MAPRE2: variants seen among roughly 807,000 people sequenced by gnomAD.
MAPRE2 encodes microtubule-associated protein RP/EB family member 2.
Under a neutral mutation model 43.2 loss-of-function variants are expected in MAPRE2, and 13 were observed. The ratio of observed to expected loss-of-function variants is 0.30; its 90% CI spans 0.20 to 0.48. MAPRE2 has a LOEUF of 0.48. Ranked by LOEUF, MAPRE2 falls within the 20% of genes least tolerant of loss-of-function variation. The pLI is 0.99. For missense variants in MAPRE2, 161 were observed against 400.2 expected (o/e 0.40, Z 5.10); for synonymous variants, 135 against 148.8 (o/e 0.91, Z 0.68).
chr18:35,019,559 ATATTT>A (rs1332353572), intron 2 of MAPRE2, among the ~76,000 whole-genome samples: 5 of 152,040 alleles, frequency 3.3e-5, no homozygotes, highest in African/African-American at 1.2e-4. Context: ...AGGCCTTGTC[ATATTT>A]TATTTTCTTC....
intron 2 of MAPRE2, among the ~76,000 whole-genome samples, chr18:35,014,427 A>G (rs577940105): frequency 6.7e-6 from 1 of 148,700 alleles, no homozygotes; most frequent in African/African-American, 2.5e-5. Context: ...TCGGCAGTCT[A>G]TATAAGGCAT....
chr18:35,081,114 T>G (rs923391145), intron 2 of MAPRE2, among the ~76,000 whole-genome samples: 2 of 152,218 alleles, frequency 1.3e-5, no homozygotes, highest in African/African-American at 4.8e-5. Flanking sequence ...GAGCCAAATT[T>G]TAATGAAAAG....
intron 1 of MAPRE2, among the ~76,000 whole-genome samples, chr18:35,044,703 A>G (rs595086): frequency 0.75 from 113,608 of 152,158 alleles, 43,218 homozygotes; most frequent in African/African-American, 0.91. Flanking sequence ...GCTCTTGGAC[A>G]AGAACATGTC....
rs1409201821 is a variant in MAPRE2 at position 35,056,540 on chromosome 18, A to G, written c.123-13655A>G. On this transcript the variant is annotated intron_variant, in intron 1 of 6. Transcript: ENST00000300249. Reference sequence around the variant, plus strand: ...GAACCTAGAAACTCGGTATGGAGGCAGGATGGGGAGGGACTTTACCAAATT... The same window carrying G: ...GAACCTAGAAACTCGGTATGGAGGCGGGATGGGGAGGGACTTTACCAAATT... Among the ~76,000 whole-genome samples, 3 of 152,196 alleles carry G rather than the reference A, an allele frequency of 2.0e-5. 1 individual carries two copies. Among genetic ancestry groups the G allele is most frequent in the Non-Finnish European group, 1.5e-5 (1 of 68,028 alleles).
At chr18:35,101,537 A>G (rs1485316451) in intron 3 of MAPRE2, among the ~76,000 whole-genome samples, 1 of 151,174 alleles carries the variant, frequency 6.6e-6, no homozygotes, top group African/African-American at 2.4e-5. Context: ...ACCATCCCCA[A>G]CTCCCCCTTT....
At chr18:35,045,518 T>C (rs1340373093) in intron 1 of MAPRE2, among the ~76,000 whole-genome samples, 1 of 152,162 alleles carries the variant, frequency 6.6e-6, no homozygotes, top group African/African-American at 2.4e-5. Context: ...CCTAAAGCAT[T>C]GGCCATAACA....
chr18:35,117,604 T>C (rs751783773), intron 4 of MAPRE2, among the ~76,000 whole-genome samples: 2 of 152,160 alleles, frequency 1.3e-5, no homozygotes, highest in African/African-American at 4.8e-5. Flanking sequence ...GCTGGCTCAG[T>C]GTGCTGGGCT....
chr18:34,994,622 A>C (rs1006668943), intron 1 of MAPRE2, among the ~76,000 whole-genome samples: 8 of 152,128 alleles, frequency 5.3e-5, no homozygotes, highest in African/African-American at 1.9e-4. Context: ...TTAAGCTGTT[A>C]GTTTTCCCTA....
intron 6 of MAPRE2, among the ~76,000 whole-genome samples, chr18:35,136,279 C>G (rs892570914): frequency 5.3e-5 from 8 of 152,132 alleles, no homozygotes; most frequent in African/African-American, 1.9e-4. Flanking sequence ...TGAAGGGCAC[C>G]AGCTTATGAA....
chr18:35,107,951 T>C (rs1569006416), intron 4 of MAPRE2, among the ~76,000 whole-genome samples: 1 of 152,206 alleles, frequency 6.6e-6, no homozygotes, highest in East Asian at 1.9e-4. Context: ...TAGATGTATA[T>C]GTATTTATGT....
chr18:35,101,932 AT>A lies in MAPRE2; in HGVS notation c.397-8del. On this transcript the variant is annotated splice_polypyrimidine_tract_variant and intron_variant, in intron 3 of 6. Transcript: ENST00000300249. The stretch of plus-strand genomic sequence containing the variant: ...CGTGAGGTTTGTAACTCACATAGTG[AT>A]TTTTTATTGCAGGTAATTCCAGTGG... 6.3e-7 allele frequency: 1 copy of A among 1,578,804 alleles called. No individual in the cohort carries two copies.
intron 2 of MAPRE2, among the ~76,000 whole-genome samples, chr18:35,094,255 C>T (rs1003401268): frequency 6.6e-6 from 1 of 152,008 alleles, no homozygotes; most frequent in African/African-American, 2.4e-5. Context: ...AAACAAAATA[C>T]AAATTAATAA....
chr18:35,079,455 AC>A (rs2080742326), intron 2 of MAPRE2, among the ~76,000 whole-genome samples: 1 of 152,232 alleles, frequency 6.6e-6, no homozygotes, highest in African/African-American at 2.4e-5. Flanking sequence ...TCTTAGTCTT[AC>A]GTAAAAGGAC....
intron 1 of MAPRE2, among the ~76,000 whole-genome samples, chr18:34,981,883 A>ATTT (rs796076441): frequency 7.4e-6 from 1 of 134,608 alleles, no homozygotes; most frequent in Non-Finnish European, 1.6e-5. Flanking sequence ...TTTTATTTTT[A>ATTT]TTTATTTTTT....
At chr18:35,099,960 T>C (rs999668167) in intron 3 of MAPRE2, among the ~76,000 whole-genome samples, 12 of 152,246 alleles carry the variant, frequency 7.9e-5, no homozygotes, top group African/African-American at 2.7e-4. Context: ...AGTGGTCCTA[T>C]TGATACATTT....
chr18:35,088,942 C>T (rs959132097), intron 2 of MAPRE2, among the ~76,000 whole-genome samples: 1 of 152,112 alleles, frequency 6.6e-6, no homozygotes, highest in African/African-American at 2.4e-5. Flanking sequence ...ACAATGAAAA[C>T]AGAGACCATT....
intron 1 of MAPRE2, among the ~76,000 whole-genome samples, chr18:35,056,926 G>C (rs1026580613): frequency 2.0e-5 from 3 of 152,176 alleles, no homozygotes; most frequent in African/African-American, 4.8e-5. Context: ...AGAATCTAAA[G>C]AGGAGACTGC....
chr18:35,086,498 A>ACAC (rs897320396), intron 2 of MAPRE2, among the ~76,000 whole-genome samples: 6 of 151,996 alleles, frequency 3.9e-5, no homozygotes, highest in Non-Finnish European at 7.4e-5. Context: ...GATACTTCTA[A>ACAC]CACCAGTCCA....
Position 35,074,057 on chromosome 18 carries a change from A to G in MAPRE2, c.250+3735A>G, listed in dbSNP as rs555569737. ...TGTGACAAACAACCTTTAAGTTTCA[A>G]GTAAAAGGTGAGCTATATAAATGGA... On this transcript the variant is annotated intron_variant, in intron 2 of 6. Coordinates refer to ENST00000300249, the MANE Select transcript of MAPRE2 (RefSeq NM_014268.4). Among the ~76,000 whole-genome samples, 5 of 152,354 alleles carry G rather than the reference A, an allele frequency of 3.3e-5. No homozygotes were observed. In the South Asian group the frequency reaches 1.0e-3, roughly 32 times the overall value.
Sources: gnomAD v4.1 joint callset for allele counts (sites outside exome capture counted in the v4.1 genomes callset) on GRCh38, gnomAD v4.1.1 for gene constraint, MANE v1.5 for transcripts, NCBI Gene and HGNC (gene_info 2026-07-23, HGNC 2026-07-21) for gene names.